DENND4C: variants seen among roughly 807,000 people sequenced by gnomAD.
The protein encoded by DENND4C is DENN domain containing 4C.
Under a neutral mutation model 203.0 loss-of-function variants are expected in DENND4C, and 108 were observed. That is an observed-to-expected ratio of 0.53 (90% CI 0.46 to 0.62). The LOEUF (loss-of-function observed/expected upper bound fraction) is 0.62, where lower values mean the gene tolerates loss of function less well. Ranked by LOEUF, DENND4C falls within the 20% of genes least tolerant of loss-of-function variation. DENND4C has a pLI of 0.00. For missense variants in DENND4C, 2,481 were observed against 2,301.2 expected, an observed-to-expected ratio of 1.08 and a Z score of -1.60; for synonymous variants, 871 against 792.4, an observed-to-expected ratio of 1.10 and a Z score of -1.67.
intron 10 of DENND4C, among the ~76,000 whole-genome samples, chr9:19,315,895 G>C (rs575611984): frequency 6.6e-6 from 1 of 151,740 alleles, no homozygotes; most frequent in Admixed American, 6.6e-5. Context: ...TAGTAGAGAC[G>C]GGGTTTCACC....
intron 1 of DENND4C, among the ~76,000 whole-genome samples, chr9:19,267,369 C>T (rs576075382): frequency 2.0e-5 from 3 of 152,076 alleles, no homozygotes; most frequent in Non-Finnish European, 4.4e-5. Flanking sequence ...CCTTCTTTGT[C>T]TCTTTTTATG....
chr9:19,239,761 C>T (rs561051813), intron 1 of DENND4C, among the ~76,000 whole-genome samples: 1 of 152,294 alleles, frequency 6.6e-6, no homozygotes, highest in East Asian at 1.9e-4. Context: ...ACTGTGATTA[C>T]AGGCGTGAGC....
At chr9:19,313,003 T>C (rs936837200) in intron 10 of DENND4C, among the ~76,000 whole-genome samples, 1 of 152,172 alleles carries the variant, frequency 6.6e-6, no homozygotes, top group African/African-American at 2.4e-5. Context: ...ACATATATTG[T>C]TATATATTTG....
chr9:19,231,141 G>C (rs1820433853), intron 1 of DENND4C, among the ~76,000 whole-genome samples: 1 of 152,240 alleles, frequency 6.6e-6, no homozygotes, highest in African/African-American at 2.4e-5. Context: ...GTACAAGCGC[G>C]AGGGGTCTGG....
At chr9:19,284,633 G>A (rs1268131768) in intron 2 of DENND4C, among the ~76,000 whole-genome samples, 1 of 151,778 alleles carries the variant, frequency 6.6e-6, no homozygotes, top group Admixed American at 6.6e-5. Flanking sequence ...CATATTTTTT[G>A]TCAATCTCAC....
chr9:19,328,693 ATCTGTCTATCT>A (rs1563808637), intron 16 of DENND4C, among the ~76,000 whole-genome samples: 7 of 150,746 alleles, frequency 4.6e-5, no homozygotes, highest in African/African-American at 1.7e-4. Context: ...CTATCTATCT[ATCTGTCTATCT>A]ATCAATCAAG....
intron 12 of DENND4C, among the ~76,000 whole-genome samples, chr9:19,318,802 A>G (rs373918987): frequency 1.1e-3 from 165 of 152,310 alleles, no homozygotes; most frequent in African/African-American, 3.8e-3. Context: ...TCCTCATTTT[A>G]GCATAATTAC....
chr9:19,312,123 A>G (rs1238645935), intron 10 of DENND4C, among the ~76,000 whole-genome samples: 1 of 152,166 alleles, frequency 6.6e-6, no homozygotes, highest in Non-Finnish European at 1.5e-5. Flanking sequence ...TTTGTTTTTG[A>G]GACAGAGTCT....
intron 28 of DENND4C, 49 bp from the exon 29 acceptor site, chr9:19,360,195 A>C (rs1192034322): frequency 1.1e-5 from 17 of 1,568,708 alleles, no homozygotes; most frequent in Non-Finnish European, 8.7e-6. Flanking sequence ...GCTCTTGAGC[A>C]TACAGATTTA....
chr9:19,250,966 C>T (rs980341544), intron 1 of DENND4C, among the ~76,000 whole-genome samples: 9 of 152,198 alleles, frequency 5.9e-5, no homozygotes, highest in Non-Finnish European at 1.0e-4. Context: ...GTGGGAGGAT[C>T]TACTATTCTG....
chr9:19,240,839 C>A (rs941314165), intron 1 of DENND4C, among the ~76,000 whole-genome samples: 1 of 151,472 alleles, frequency 6.6e-6, no homozygotes, highest in Non-Finnish European at 1.5e-5. Context: ...TGGTGGTGGA[C>A]GCCTGTAATC....
chr9:19,272,494 C>T (rs563841754), intron 1 of DENND4C, among the ~76,000 whole-genome samples: 3 of 151,876 alleles, frequency 2.0e-5, no homozygotes, highest in Non-Finnish European at 4.4e-5. Context: ...CTTAAGCAAT[C>T]CTCCCTCCCA....
intron 1 of DENND4C, among the ~76,000 whole-genome samples, chr9:19,264,488 G>GTGGAGA (rs1830077380): frequency 6.6e-6 from 1 of 151,828 alleles, no homozygotes; most frequent in Admixed American, 6.6e-5. Flanking sequence ...TGTATTTTTA[G>GTGGAGA]TGGAGATGGG....
chr9:19,245,462 G>C (rs1441789356), intron 1 of DENND4C, among the ~76,000 whole-genome samples: 1 of 23,956 alleles, frequency 4.2e-5, no homozygotes, highest in South Asian at 2.2e-3. Context: ...GTAAGACTCA[G>C]TCTCAAAAAA....
intron 5 of DENND4C, among the ~76,000 whole-genome samples, chr9:19,294,011 G>A (rs1226336187): frequency 6.6e-6 from 1 of 152,142 alleles, no homozygotes; most frequent in Non-Finnish European, 1.5e-5. Context: ...AGGAATATTG[G>A]ATGAAGTGTT....
chr9:19,254,530 A>C (rs1383860916), intron 1 of DENND4C, among the ~76,000 whole-genome samples: 2 of 152,236 alleles, frequency 1.3e-5, no homozygotes, highest in Non-Finnish European at 2.9e-5. Context: ...TGTGGAATCC[A>C]ACAAGTTGAA....
chr9:19,335,630 A>C (rs1299304315), intron 18 of DENND4C, among the ~76,000 whole-genome samples: 2 of 151,972 alleles, frequency 1.3e-5, no homozygotes, highest in East Asian at 1.9e-4. Context: ...TGCCTGGCTT[A>C]TTTCACTTAC....
At chr9:19,282,558 T>TAAAA (rs1834276523) in intron 2 of DENND4C, among the ~76,000 whole-genome samples, 1 of 54,850 alleles carries the variant, frequency 1.8e-5, no homozygotes, top group Non-Finnish European at 4.8e-5. Context: ...CTGGCAAAAA[T>TAAAA]TAAAAAAAAA....
intron 9 of DENND4C, 65 bp from the exon 10 acceptor site, chr9:19,305,287 A>T: frequency 7.2e-7 from 1 of 1,381,960 alleles, no homozygotes; most frequent in African/African-American, 1.4e-5. Flanking sequence ...CAGTAATACT[A>T]GTTACTTATA....
Sources: gnomAD v4.1 joint callset for allele counts (sites outside exome capture counted in the v4.1 genomes callset) on GRCh38, gnomAD v4.1.1 for gene constraint, MANE v1.5 for transcripts, NCBI Gene and HGNC (gene_info 2026-07-23, HGNC 2026-07-21) for gene names.